The following GALNT17 variants were observed in gnomAD, a reference collection of about 807,000 sequenced individuals.
GALNT17 encodes polypeptide N-acetylgalactosaminyltransferase 17, also known as UDP-GalNAc:polypeptide N-acetylgalactosaminyltransferase-like 3.
Under a neutral mutation model 63.7 loss-of-function variants are expected in GALNT17, and 29 were observed. The observed-to-expected ratio is 0.46, with a 90% CI of 0.34 to 0.62. The LOEUF is 0.62. Ranked by LOEUF, GALNT17 falls within the 20% of genes least tolerant of loss-of-function variation. GALNT17 has a pLI of 0.01. For missense variants in GALNT17, 603 were observed against 799.6 expected (o/e 0.75, Z 2.97); for synonymous variants, 305 against 318.3 (o/e 0.96, Z 0.45).
At chr7:71,256,641 G>A (rs770712744) in intron 1 of GALNT17, among the ~76,000 whole-genome samples, 1 of 152,164 alleles carries the variant, frequency 6.6e-6, no homozygotes, top group Admixed American at 6.6e-5. Flanking sequence ...CCTTGCGCAC[G>A]TGTTCTCAGG....
At chr7:71,612,504 T>C (rs78194983) in intron 6 of GALNT17, among the ~76,000 whole-genome samples, 5,893 of 152,296 alleles carry the variant, frequency 0.039, 390 homozygotes, top group African/African-American at 0.13. Flanking sequence ...CAGCAAGCCA[T>C]GGTGCTAATA....
At position 71,519,244 on chromosome 7, in the gene GALNT17, G is replaced by A. The variant is rs1788488610; in HGVS notation, c.963-52041G>A. On this transcript the variant is annotated intron_variant, in intron 5 of 10. Coordinates refer to ENST00000333538, the MANE Select transcript of GALNT17 (RefSeq NM_022479.3). Reference sequence around the variant, plus strand: ...TCGAGAGGGGTAGGGAGGAGAGAGAGCAGAAAGGAACAGGGTCCATTATCT... The same window carrying A: ...TCGAGAGGGGTAGGGAGGAGAGAGAACAGAAAGGAACAGGGTCCATTATCT... Among the ~76,000 whole-genome samples the A allele has an allele frequency of 5.9e-5, 9 of 152,138 alleles. No homozygotes were observed. In the South Asian group the frequency reaches 1.9e-3, roughly 32 times the overall value.
At chr7:71,636,835 G>T (rs1790534505) in intron 6 of GALNT17, among the ~76,000 whole-genome samples, 1 of 152,166 alleles carries the variant, frequency 6.6e-6, no homozygotes, top group Non-Finnish European at 1.5e-5. Context: ...TGCAGTGATA[G>T]GTCAGTGGTA....
chr7:71,135,376 A>T (rs1021605178), intron 1 of GALNT17, among the ~76,000 whole-genome samples: 2 of 152,184 alleles, frequency 1.3e-5, no homozygotes, highest in African/African-American at 2.4e-5. Flanking sequence ...AAGGGAGGTT[A>T]GGAGGCTACT....
At chr7:71,632,965 A>G (rs1312290656) in intron 6 of GALNT17, among the ~76,000 whole-genome samples, 1 of 151,882 alleles carries the variant, frequency 6.6e-6, no homozygotes, top group African/African-American at 2.4e-5. Flanking sequence ...CTAGCTGGGC[A>G]TGGTGGCACA....
chr7:71,373,347 G>T (rs949305951), intron 2 of GALNT17, among the ~76,000 whole-genome samples: 1 of 152,112 alleles, frequency 6.6e-6, no homozygotes, highest in Non-Finnish European at 1.5e-5. Context: ...TGCTTTCTGC[G>T]GTGTGACTCA....
At position 71,325,559 on chromosome 7, in the gene GALNT17, C is replaced by T. The variant is rs144418986; in HGVS notation, c.239-9991C>T. On this transcript the variant is annotated intron_variant, in intron 1 of 10. Transcript: ENST00000333538. ...GGTTATCTGTAAACCCATAAGTTTC[C>T]GCTGTAACCCTGGAGAAAATCATGT... 1.6e-3 allele frequency among the ~76,000 whole-genome samples: 239 copies of T among 152,232 alleles called. 1 individual carries two copies. Among genetic ancestry groups the T allele is most frequent in the African/African-American group, 5.6e-3 (234 of 41,538 alleles).
At chr7:71,638,631 A>C (rs996495649) in intron 6 of GALNT17, among the ~76,000 whole-genome samples, 6 of 152,180 alleles carry the variant, frequency 3.9e-5, no homozygotes, top group African/African-American at 1.4e-4. Context: ...GTGAAGTCTA[A>C]TGTGGATGGC....
intron 1 of GALNT17, among the ~76,000 whole-genome samples, chr7:71,216,194 G>A (rs1000627629): frequency 6.6e-5 from 10 of 152,056 alleles, no homozygotes; most frequent in African/African-American, 1.2e-4. Flanking sequence ...TTCAGCATGG[G>A]CAACAGAGCA....
intron 3 of GALNT17, among the ~76,000 whole-genome samples, chr7:71,395,109 C>G (rs1366239677): frequency 6.6e-6 from 1 of 151,912 alleles, no homozygotes; most frequent in East Asian, 1.9e-4. Flanking sequence ...CTCAAAAAAA[C>G]AAAAAATAAA....
chr7:71,206,218 T>G (rs1043893211), intron 1 of GALNT17, among the ~76,000 whole-genome samples: 5 of 151,484 alleles, frequency 3.3e-5, no homozygotes, highest in African/African-American at 1.2e-4. Flanking sequence ...TGCTCATGAA[T>G]TTGTACTCAT....
intron 1 of GALNT17, among the ~76,000 whole-genome samples, chr7:71,201,303 A>T (rs145610055): frequency 7.0e-4 from 103 of 146,250 alleles, no homozygotes; most frequent in Non-Finnish European, 1.3e-3. Context: ...ACATGTGTGG[A>T]TTTTCCAGTC....
chr7:71,352,558 G>A (rs1792208346), intron 2 of GALNT17, among the ~76,000 whole-genome samples: 1 of 152,120 alleles, frequency 6.6e-6, no homozygotes, highest in Admixed American at 6.6e-5. Context: ...TTGATGTTTA[G>A]TCATATATTG....
Position 71,132,761 on chromosome 7 carries a change from G to T in GALNT17, c.-42G>T. ...GCTGCCCCGCGCCTCGCCGGAGCCC[G>T]AGGGGGCGCAGGTCCGGGGCGAGGG... On this transcript the variant is annotated 5_prime_UTR_variant, in exon 1 of 11. Coordinates refer to ENST00000333538, the MANE Select transcript of GALNT17 (RefSeq NM_022479.3). The T allele has an allele frequency of 2.0e-6, 3 of 1,524,346 alleles. No individual in the cohort carries two copies. Among genetic ancestry groups the T allele is most frequent in the East Asian group, 2.4e-5 (1 of 40,960 alleles). 94.4% of individuals were successfully genotyped at this position (1,524,346 alleles called of 1,614,324 possible).
intron 1 of GALNT17, 40 bp downstream of exon 1, chr7:71,133,080 C>T (rs1230542696): frequency 2.0e-6 from 3 of 1,471,534 alleles, no homozygotes; most frequent in African/African-American, 1.4e-5. Context: ...TCGACGCGGG[C>T]GGGCCGGGCA....
chr7:71,554,035 A>C (rs1789123518), intron 5 of GALNT17, among the ~76,000 whole-genome samples: 1 of 152,178 alleles, frequency 6.6e-6, no homozygotes, highest in African/African-American at 2.4e-5. Flanking sequence ...TTCTGTATTC[A>C]TAGCCGATGC....
intron 1 of GALNT17, among the ~76,000 whole-genome samples, chr7:71,160,522 G>A (rs953393779): frequency 1.3e-5 from 2 of 152,088 alleles, no homozygotes; most frequent in Admixed American, 1.3e-4. Context: ...GCAATGGCAC[G>A]ATCTCAGCTC....
intron 1 of GALNT17, among the ~76,000 whole-genome samples, chr7:71,276,213 G>C (rs543644310): frequency 3.1e-4 from 47 of 152,252 alleles, no homozygotes; most frequent in Non-Finnish European, 6.5e-4. Context: ...TAGCTGGGTG[G>C]GTAGCAGGGC....
intron 3 of GALNT17, among the ~76,000 whole-genome samples, chr7:71,408,613 C>T (rs1793371120): frequency 6.6e-6 from 1 of 152,160 alleles, no homozygotes; most frequent in African/African-American, 2.4e-5. Flanking sequence ...TCCATAATTC[C>T]AGAGCTTTGG....
Sources: gnomAD v4.1 joint callset for allele counts (sites outside exome capture counted in the v4.1 genomes callset) on GRCh38, gnomAD v4.1.1 for gene constraint, MANE v1.5 for transcripts, NCBI Gene and HGNC (gene_info 2026-07-23, HGNC 2026-07-21) for gene names.